The following ARID1A variants were observed in gnomAD, a reference collection of about 807,000 sequenced individuals.
ARID1A encodes AT-rich interactive domain-containing protein 1A.
ARID1A carries 20 observed loss-of-function variants against 212.6 expected under a neutral mutation model. The observed-to-expected ratio is 0.09, with a 90% confidence interval of 0.07 to 0.14. The LOEUF is 0.14. ARID1A is among the 10% of genes least tolerant of loss of function. The probability of loss-of-function intolerance (pLI) is 1.00; values close to 1 mark genes in which losing one functional copy is unlikely to be tolerated. For synonymous variants in ARID1A, 1,376 were observed against 1,222.1 expected, an observed-to-expected ratio of 1.13 and a Z score of -2.63; for missense variants, 2,587 against 3,059.0, an observed-to-expected ratio of 0.85 and a Z score of 3.64.
At chr1:26,773,128 A>C in intron 14 of ARID1A, 141 bp downstream of exon 14, 1 of 1,286,676 alleles carries the variant, frequency 7.8e-7, no homozygotes, top group Admixed American at 2.7e-5. Context: ...ACCCCTCTTC[A>C]TCCTTACCTC....
chr1:26,703,090 G>C (rs925049251), intron 1 of ARID1A, among the ~76,000 whole-genome samples: 1 of 152,086 alleles, frequency 6.6e-6, no homozygotes, highest in Non-Finnish European at 1.5e-5. Flanking sequence ...CCAATGGCCT[G>C]GGTTTATTTA....
At chr1:26,756,981 T>C (rs138547903) in intron 4 of ARID1A, among the ~76,000 whole-genome samples, 2,511 of 152,174 alleles carry the variant, frequency 0.017, 174 homozygotes, top group Admixed American at 0.12. Context: ...GGATTACAGG[T>C]GTGAGCCACT....
chr1:26,734,592 G>A (rs1557594179), intron 4 of ARID1A, among the ~76,000 whole-genome samples: 1 of 152,194 alleles, frequency 6.6e-6, no homozygotes, highest in Admixed American at 6.5e-5. Context: ...CTCCATGTGG[G>A]AGGTAAGCTG....
intron 4 of ARID1A, among the ~76,000 whole-genome samples, chr1:26,746,006 G>T (rs977712923): frequency 6.6e-6 from 1 of 151,280 alleles, no homozygotes; most frequent in Non-Finnish European, 1.5e-5. Flanking sequence ...AGTCAAGATT[G>T]TGCCACTGCA....
intron 1 of ARID1A, among the ~76,000 whole-genome samples, chr1:26,723,028 T>C (rs1032189397): frequency 2.0e-5 from 3 of 152,056 alleles, no homozygotes; most frequent in Non-Finnish European, 2.9e-5. Flanking sequence ...TTCTCCTCAA[T>C]TGGGGGCTAG....
At chr1:26,701,700 G>A (rs1375674527) in intron 1 of ARID1A, among the ~76,000 whole-genome samples, 3 of 152,214 alleles carry the variant, frequency 2.0e-5, no homozygotes, top group South Asian at 2.1e-4. Context: ...ACATAAATCA[G>A]GGGTCTTGAG....
chr1:26,770,882 C>T (rs1170194782), intron 11 of ARID1A: 3 of 514,970 alleles, frequency 5.8e-6, no homozygotes, highest in African/African-American at 3.8e-5. Context: ...GAAATTTGCC[C>T]TGTTGTGAAT....
chr1:26,711,900 T>A (rs1445094734), intron 1 of ARID1A, among the ~76,000 whole-genome samples: 2 of 151,896 alleles, frequency 1.3e-5, no homozygotes, highest in African/African-American at 2.4e-5. Context: ...CTGAGCAACA[T>A]GGCAAAACCC....
intron 11 of ARID1A, chr1:26,770,574 A>T (rs775982687): frequency 6.5e-6 from 1 of 153,130 alleles, no homozygotes; most frequent in Non-Finnish European, 1.5e-5. Context: ...CCTGATCAAC[A>T]TGGTGAAACC....
intron 4 of ARID1A, among the ~76,000 whole-genome samples, chr1:26,749,391 G>A (rs547432138): frequency 3.9e-5 from 6 of 152,158 alleles, no homozygotes; most frequent in East Asian, 1.9e-4. Context: ...GGGGGGCGGC[G>A]GGGAGCGACA....
chr1:26,757,623 A>G (rs1438942365), intron 4 of ARID1A, among the ~76,000 whole-genome samples: 3 of 152,182 alleles, frequency 2.0e-5, no homozygotes, highest in Admixed American at 1.3e-4. Flanking sequence ...TGTTTTTATC[A>G]TGAGAATGTT....
chr1:26,750,748 C>A (rs566963916), intron 4 of ARID1A, among the ~76,000 whole-genome samples: 28 of 151,828 alleles, frequency 1.8e-4, no homozygotes, highest in Non-Finnish European at 4.0e-4. Context: ...GGGACTTCTA[C>A]CTTCATGGGA....
chr1:26,737,365 G>A (rs1013717021), intron 4 of ARID1A, among the ~76,000 whole-genome samples: 6 of 151,998 alleles, frequency 3.9e-5, no homozygotes, highest in Non-Finnish European at 8.8e-5. Context: ...CAGTCTGCCC[G>A]CCTTGGCTTC....
rs2081082719 is a variant in ARID1A, at chr1:26,771,537, A to G, written c.3406+211A>G. ...ACTCTACGGCAGCTCTTAAGTTTTAATTTTTGTTGTGCAGCTGACAACTTG... is the reference window on the plus strand; with the variant it reads ...ACTCTACGGCAGCTCTTAAGTTTTAGTTTTTGTTGTGCAGCTGACAACTTG... On this transcript the variant is annotated intron_variant, in intron 12 of 19. Transcript: ENST00000324856. This position sits in a 1 kb window ranked among gnomAD's most constrained non-coding sequence, Gnocchi z 5.4. 1.7e-6 allele frequency: 1 copy of G among 582,472 alleles called. No homozygotes were observed. The highest frequency in any genetic ancestry group is 2.9e-5 in the East Asian group (1 of 34,834). The allele number at this position is 582,472 out of a possible 1,614,324, so 36.1% of individuals were successfully genotyped here.
In ARID1A at chr1:26,772,648, G is replaced by A. The variant is rs752149718; in HGVS notation, c.3539+16G>A. ...CAGGCATGAGGTAAGGCCAAGAGCA[G>A]GGGCAGATGGTTGGGAGGATGGCTG... On this transcript the variant is annotated intron_variant, in intron 13 of 19. Coordinates refer to ENST00000324856, the MANE Select transcript of ARID1A (RefSeq NM_006015.6). 9.3e-6 allele frequency: 15 copies of A among 1,614,238 alleles called. No homozygotes were observed. In the Admixed American group the frequency reaches 1.7e-4, roughly 18 times the overall value.
chr1:26,761,316 A>G, intron 5 of ARID1A, 68 bp from the exon 6 acceptor site: 2 of 1,582,830 alleles, frequency 1.3e-6, no homozygotes, highest in South Asian at 1.1e-5. Flanking sequence ...CTAGCTCTGA[A>G]TTAACTTCCT....
intron 3 of ARID1A, among the ~76,000 whole-genome samples, chr1:26,732,427 T>G: frequency 6.6e-6 from 1 of 152,200 alleles, no homozygotes; most frequent in Admixed American, 6.5e-5. Flanking sequence ...GGCCAGACAT[T>G]AGCATTTAAC....
Position 26,696,040 on chromosome 1 carries a change from G to A in ARID1A, c.-364G>A, listed in dbSNP as rs2080245622. Reference sequence around the variant, plus strand: ...CTCCTTTCTCCGGCAGCAGAAAGCGGAGAGTCACAGCGGGGCCAGGCCCTG... The same window carrying A: ...CTCCTTTCTCCGGCAGCAGAAAGCGAAGAGTCACAGCGGGGCCAGGCCCTG... On this transcript the variant is annotated 5_prime_UTR_variant, in exon 1 of 20. Transcript: ENST00000324856. The A allele has an allele frequency of 2.6e-6, 2 of 761,332 alleles. No homozygotes were observed. The highest frequency in any genetic ancestry group is 3.2e-6 in the Non-Finnish European group (2 of 620,166). 47.2% of individuals were successfully genotyped at this position (761,332 alleles called of 1,614,324 possible).
chr1:26,707,591 C>T (rs998264629), intron 1 of ARID1A, among the ~76,000 whole-genome samples: 3 of 151,910 alleles, frequency 2.0e-5, no homozygotes, highest in Non-Finnish European at 4.4e-5. Context: ...GATCCGCCGG[C>T]TTTGACCTCC....
Sources: gnomAD v4.1 joint callset for allele counts (sites outside exome capture counted in the v4.1 genomes callset) on GRCh38, gnomAD v4.1.1 for gene constraint, Gnocchi (gnomAD v3.1) non-coding constraint, MANE v1.5 for transcripts, NCBI Gene and HGNC (gene_info 2026-07-23, HGNC 2026-07-21) for gene names.